The following NCALD variants were observed in gnomAD, a reference collection of about 807,000 sequenced individuals.
The protein encoded by NCALD is neurocalcin-delta.
NCALD carries 10 observed loss-of-function variants against 18.6 expected under a neutral mutation model. The observed-to-expected ratio is 0.54, with a 90% CI of 0.33 to 0.91. The LOEUF (loss-of-function observed/expected upper bound fraction) is 0.91. NCALD is among the 40% of genes least tolerant of loss of function. The pLI, the probability that NCALD is intolerant of heterozygous loss-of-function variation, is 0.03. For missense variants in NCALD, 184 were observed against 247.6 expected (o/e 0.74, Z 1.72); for synonymous variants, 88 against 87.4 (o/e 1.01, Z -0.04).
At chr8:101,882,929 G>GA (rs139845886) in intron 4 of NCALD, among the ~76,000 whole-genome samples, 3,124 of 152,286 alleles carry the variant, frequency 0.021, 90 homozygotes, top group African/African-American at 0.066. Context: ...GAAGCAATAT[G>GA]AAATAACAAC....
intron 3 of NCALD, among the ~76,000 whole-genome samples, chr8:101,909,032 C>T (rs1487045493): frequency 3.3e-5 from 5 of 152,002 alleles, no homozygotes; most frequent in African/African-American, 1.2e-4. Flanking sequence ...TAAAGAAGTC[C>T]CCTCTGTTTT....
chr8:101,834,473 C>T (rs1586601432), intron 4 of NCALD, among the ~76,000 whole-genome samples: 1 of 152,238 alleles, frequency 6.6e-6, no homozygotes, highest in African/African-American at 2.4e-5. Flanking sequence ...CTTCAGTTTC[C>T]CTTGTTTCCT....
chr8:101,693,318 G>GTTTTTTTTTTTTTTTTTTTTTTTT (rs71276999), intron 2 of NCALD: 1 of 60,000 alleles, frequency 1.7e-5, no homozygotes, highest in Non-Finnish European at 3.2e-5. Flanking sequence ...CACACAGGGC[G>GTTTTTTTTTTTTTTTTTTTTTTTT]TTTTTTTTTT....
intron 1 of NCALD, among the ~76,000 whole-genome samples, chr8:102,039,184 C>G (rs974884240): frequency 6.6e-6 from 1 of 152,136 alleles, no homozygotes; most frequent in Non-Finnish European, 1.5e-5. Context: ...AGCAGAGGAC[C>G]TAGCTAGCCT....
intron 1 of NCALD, among the ~76,000 whole-genome samples, chr8:102,110,227 A>G (rs1052098891): frequency 1.6e-4 from 25 of 152,320 alleles, no homozygotes; most frequent in Admixed American, 1.0e-3. Flanking sequence ...AATTTGAAGG[A>G]AAATTTTTTT....
chr8:102,111,559 G>A (rs924372650), intron 1 of NCALD, among the ~76,000 whole-genome samples: 7 of 151,842 alleles, frequency 4.6e-5, no homozygotes, highest in Non-Finnish European at 8.8e-5. Flanking sequence ...CAATAACAAC[G>A]CAAAAGAGTG....
At chr8:101,733,255 C>T (rs1306693082) in intron 1 of NCALD, among the ~76,000 whole-genome samples, 1 of 152,176 alleles carries the variant, frequency 6.6e-6, no homozygotes. Flanking sequence ...AATTGGTGAA[C>T]AGAAAGAGAA....
Position 101,999,801 on chromosome 8 carries a change from G to A in NCALD, c.-157+20436C>T, listed in dbSNP as rs546053798. ...CCTTTGCAATTACAAAAAAAAAATC[G>A]AAAAACATTTTTCTGAATCTTTTTC... On this transcript the variant is annotated intron_variant, in intron 2 of 6. Coordinates refer to the NCALD transcript ENST00000311028. 7.9e-5 allele frequency among the ~76,000 whole-genome samples: 12 copies of A among 151,602 alleles called. No homozygotes were observed. In the East Asian group the frequency reaches 1.2e-3, roughly 15 times the overall value.
chr8:102,080,131 T>C (rs1053366830), intron 1 of NCALD, among the ~76,000 whole-genome samples: 3 of 152,202 alleles, frequency 2.0e-5, no homozygotes, highest in African/African-American at 7.2e-5. Context: ...GGAAATATAA[T>C]TCAGTTATCT....
intron 2 of NCALD, among the ~76,000 whole-genome samples, chr8:101,969,749 T>C (rs1463035947): frequency 6.6e-6 from 1 of 152,230 alleles, no homozygotes; most frequent in Non-Finnish European, 1.5e-5. Flanking sequence ...ATCTAGAATT[T>C]CCCATATTGA....
At position 101,992,070 on chromosome 8, in the gene NCALD, T is replaced by C. The variant is rs116831979; in HGVS notation, c.-157+28167A>G. On this transcript the variant is annotated intron_variant, in intron 2 of 6. Coordinates refer to the NCALD transcript ENST00000311028. ...ATGAAAAGTGCATTACTACACTCCA[T>C]GTGGCAAGATGCCTGCATTATGAAA... 8.0e-3 allele frequency among the ~76,000 whole-genome samples: 1,212 copies of C among 152,324 alleles called. 14 individuals are homozygous for C. Among genetic ancestry groups the C allele is most frequent in the African/African-American group, 0.024 (1,017 of 41,554 alleles).
intron 2 of NCALD, among the ~76,000 whole-genome samples, chr8:101,984,179 C>T (rs1820721281): frequency 1.3e-5 from 2 of 152,332 alleles, no homozygotes; most frequent in Middle Eastern, 6.8e-3. Context: ...GTTTCTAACT[C>T]TTTAACCTTC....
At chr8:102,089,066 TG>T (rs1219887975) in intron 1 of NCALD, among the ~76,000 whole-genome samples, 1 of 152,192 alleles carries the variant, frequency 6.6e-6, no homozygotes, top group Non-Finnish European at 1.5e-5. Context: ...TTCCTGGCCC[TG>T]GGGTCCACCC....
intron 1 of NCALD, among the ~76,000 whole-genome samples, chr8:102,087,343 G>A (rs1824770496): frequency 6.6e-6 from 1 of 152,056 alleles, no homozygotes. Context: ...CCATGAAAGA[G>A]ATGATACTGA....
At chr8:101,820,373 TTAAA>T (rs541971349) in intron 4 of NCALD, among the ~76,000 whole-genome samples, 173 of 152,302 alleles carry the variant, frequency 1.1e-3, no homozygotes, top group Non-Finnish European at 1.6e-3. Flanking sequence ...TTTTTATTTG[TTAAA>T]TAAATAAATG....
At chr8:101,964,009 A>G (rs1354716298) in intron 2 of NCALD, among the ~76,000 whole-genome samples, 1 of 152,196 alleles carries the variant, frequency 6.6e-6, no homozygotes, top group African/African-American at 2.4e-5. Context: ...ATTATTTTAA[A>G]TTATTTGTAA....
At chr8:101,733,564 G>A (rs922468091) in intron 1 of NCALD, among the ~76,000 whole-genome samples, 12 of 152,144 alleles carry the variant, frequency 7.9e-5, no homozygotes, top group African/African-American at 2.4e-4. Context: ...GCAGGTGCTC[G>A]CTAAACATGG....
At chr8:101,935,618 G>C (rs1023479704) in intron 2 of NCALD, among the ~76,000 whole-genome samples, 1 of 151,998 alleles carries the variant, frequency 6.6e-6, no homozygotes, top group Non-Finnish European at 1.5e-5. Flanking sequence ...AAGGTCACTG[G>C]GGGCCTTGAC....
chr8:101,986,251 G>A (rs1301009412), intron 2 of NCALD, among the ~76,000 whole-genome samples: 1 of 152,072 alleles, frequency 6.6e-6, no homozygotes, highest in Non-Finnish European at 1.5e-5. Flanking sequence ...GGCTGGTCTC[G>A]AATTCCTGAG....
Sources: gnomAD v4.1 joint callset for allele counts (sites outside exome capture counted in the v4.1 genomes callset) on GRCh38, gnomAD v4.1.1 for gene constraint, MANE v1.5 for transcripts, NCBI Gene and HGNC (gene_info 2026-07-23, HGNC 2026-07-21) for gene names.